Variants in B3GALT1 observed in about 807,000 individuals in gnomAD.
B3GALT1 encodes beta-1,3-galactosyltransferase 1, also known as UDP-Gal:betaGlcNAc beta 1,3-galactosyltransferase, polypeptide 1.
Under a neutral mutation model 23.2 loss-of-function variants are expected in B3GALT1, and 10 were observed. The ratio of observed to expected loss-of-function variants is 0.43; its 90% confidence interval spans 0.27 to 0.73. The LOEUF (loss-of-function observed/expected upper bound fraction) is 0.73, where lower values mean the gene tolerates loss of function less well. Ranked by LOEUF, B3GALT1 falls within the 30% of genes least tolerant of loss-of-function variation. B3GALT1 has a pLI of 0.21. For synonymous variants in B3GALT1, 156 were observed against 141.5 expected, an observed-to-expected ratio of 1.10 and a Z score of -0.73; for missense variants, 299 against 405.4, an observed-to-expected ratio of 0.74 and a Z score of 2.25.
At chr2:167,482,941 C>T (rs973448283) in intron 1 of B3GALT1, among the ~76,000 whole-genome samples, 2 of 152,130 alleles carry the variant, frequency 1.3e-5, no homozygotes, top group African/African-American at 4.8e-5. Flanking sequence ...TTTTTTGGAG[C>T]CTCTGCACAG....
At chr2:167,482,246 AAG>A (rs1699571491) in intron 1 of B3GALT1, among the ~76,000 whole-genome samples, 1 of 152,208 alleles carries the variant, frequency 6.6e-6, no homozygotes, top group African/African-American at 2.4e-5. Flanking sequence ...TCAAAATCTG[AAG>A]AGATGAATCA....
chr2:167,598,931 C>T (rs1684828245), intron 2 of B3GALT1, among the ~76,000 whole-genome samples: 1 of 152,260 alleles, frequency 6.6e-6, no homozygotes, highest in African/African-American at 2.4e-5. Context: ...TCATTCTATT[C>T]TCTTTCTTTA....
Position 167,870,352 on chromosome 2 carries a change from G to C in B3GALT1, c.*332G>C, listed in dbSNP as rs1034178294. 4.6e-6 allele frequency: 1 copy of C among 219,584 alleles called. No homozygotes were observed. Among genetic ancestry groups the C allele is most frequent in the Non-Finnish European group, 9.8e-6 (1 of 102,166 alleles). The allele number at this position is 219,584 out of a possible 1,614,324, so 13.6% of individuals were successfully genotyped here. A position where few individuals can be genotyped will look rare whatever the true frequency, so the allele number is the denominator to read the frequency against. ...CTGGGAAACTGAAACTCACAGTAAT[G>C]TGTCATATCATCCCTGCAAAAATTA... On this transcript the variant is annotated 3_prime_UTR_variant, in exon 5 of 5. Transcript: ENST00000392690.
intron 4 of B3GALT1, among the ~76,000 whole-genome samples, chr2:167,825,153 C>T (rs538466600): frequency 5.3e-5 from 8 of 151,702 alleles, no homozygotes; most frequent in Non-Finnish European, 1.0e-4. Flanking sequence ...GGTGTGGTGG[C>T]GGGCACCTGT....
chr2:167,583,523 A>G (rs1358826945), intron 2 of B3GALT1, among the ~76,000 whole-genome samples: 1 of 152,158 alleles, frequency 6.6e-6, no homozygotes, highest in African/African-American at 2.4e-5. Context: ...ATTTACAAAC[A>G]TTATATCTGT....
intron 4 of B3GALT1, among the ~76,000 whole-genome samples, chr2:167,868,164 G>A (rs1690270197): frequency 6.6e-6 from 1 of 152,234 alleles, no homozygotes. Flanking sequence ...TGAGAGGTCA[G>A]CATATCCTCT....
At chr2:167,669,160 G>A (rs1686274466) in intron 3 of B3GALT1, among the ~76,000 whole-genome samples, 1 of 152,118 alleles carries the variant, frequency 6.6e-6, no homozygotes, top group African/African-American at 2.4e-5. Flanking sequence ...AGAATTGAAT[G>A]AAGACATACT....
intron 2 of B3GALT1, among the ~76,000 whole-genome samples, chr2:167,589,623 T>C (rs1684641025): frequency 6.6e-6 from 1 of 152,176 alleles, no homozygotes; most frequent in African/African-American, 2.4e-5. Flanking sequence ...TAATTGATTC[T>C]CTTTCTGAAC....
intron 1 of B3GALT1, among the ~76,000 whole-genome samples, chr2:167,303,455 A>T (rs1192656752): frequency 2.0e-5 from 3 of 152,126 alleles, no homozygotes; most frequent in African/African-American, 7.2e-5. Context: ...AACATTATTT[A>T]TGGGTATGTC....
chr2:167,844,458 C>G (rs1452115894), intron 4 of B3GALT1, among the ~76,000 whole-genome samples: 3 of 152,256 alleles, frequency 2.0e-5, no homozygotes, highest in African/African-American at 7.2e-5. Context: ...GGAGACCCTC[C>G]TCTCCCAAAC....
At chr2:167,683,498 A>G (rs1199385142) in intron 3 of B3GALT1, among the ~76,000 whole-genome samples, 1 of 152,166 alleles carries the variant, frequency 6.6e-6, no homozygotes, top group Non-Finnish European at 1.5e-5. Flanking sequence ...AGGTGGGCAG[A>G]TGGCTTGAGC....
intron 1 of B3GALT1, among the ~76,000 whole-genome samples, chr2:167,426,262 ATTTG>A (rs891573906): frequency 6.7e-6 from 1 of 149,168 alleles, no homozygotes; most frequent in Non-Finnish European, 1.5e-5. Context: ...GGCATTCAGG[ATTTG>A]TTTATCATTC....
At position 167,512,576 on chromosome 2, in the gene B3GALT1, A is replaced by ATG. The variant is rs1558887709; in HGVS notation, c.-410+22300_-410+22301insGT. Among the ~76,000 whole-genome samples, 11 of 95,176 alleles carry ATG rather than the reference A, an allele frequency of 1.2e-4. 1 individual carries two copies. Among genetic ancestry groups the ATG allele is most frequent in the African/African-American group, 4.7e-4 (11 of 23,306 alleles). The allele number at this position is 95,176 out of a possible 152,430, so 62.4% of individuals were successfully genotyped here. ...TATATGTATATATATATGTATATAT[A>ATG]TATGTATATATATATGTGTATATAT... is the stretch of plus-strand genomic sequence containing the variant. On this transcript the variant is annotated intron_variant, in intron 2 of 4. Coordinates refer to ENST00000392690, the MANE Select transcript of B3GALT1 (RefSeq NM_020981.4).
At chr2:167,311,076 A>G (rs1244019156) in intron 1 of B3GALT1, among the ~76,000 whole-genome samples, 1 of 151,968 alleles carries the variant, frequency 6.6e-6, no homozygotes, top group Non-Finnish European at 1.5e-5. Flanking sequence ...GCTAAATAAC[A>G]TTTTCATTTT....
At chr2:167,849,039 C>T (rs897808040) in intron 4 of B3GALT1, among the ~76,000 whole-genome samples, 2 of 152,142 alleles carry the variant, frequency 1.3e-5, no homozygotes, top group African/African-American at 4.8e-5. Context: ...CAGAAGACCT[C>T]TGCAGGGAAA....
At chr2:167,457,938 T>C (rs1227091565) in intron 1 of B3GALT1, among the ~76,000 whole-genome samples, 1 of 152,226 alleles carries the variant, frequency 6.6e-6, no homozygotes, top group Non-Finnish European at 1.5e-5. Context: ...TTTGTTTCTC[T>C]TCTATTTTCT....
At chr2:167,757,594 A>T (rs375354293) in intron 3 of B3GALT1, among the ~76,000 whole-genome samples, 189 of 152,110 alleles carry the variant, frequency 1.2e-3, no homozygotes, top group African/African-American at 4.3e-3. Context: ...TGACCAGTTA[A>T]GTTTCTGTAA....
chr2:167,427,643 C>A (rs1698643351), intron 1 of B3GALT1, among the ~76,000 whole-genome samples: 1 of 152,124 alleles, frequency 6.6e-6, no homozygotes, highest in Non-Finnish European at 1.5e-5. Flanking sequence ...CTCAAGTGAT[C>A]CTCCCCTCTC....
At chr2:167,454,672 T>C (rs1436613665) in intron 1 of B3GALT1, among the ~76,000 whole-genome samples, 1 of 152,142 alleles carries the variant, frequency 6.6e-6, no homozygotes, top group Non-Finnish European at 1.5e-5. Context: ...TTAGAAATAA[T>C]AAAGCCTTTA....
Sources: allele counts gnomAD v4.1 joint callset (sites outside exome capture counted in the v4.1 genomes callset), GRCh38; gene constraint gnomAD v4.1.1; transcripts MANE v1.5; gene names NCBI Gene and HGNC (gene_info 2026-07-23, HGNC 2026-07-21).